OPCML: variants seen among roughly 807,000 people sequenced by gnomAD.
OPCML encodes the protein opioid binding protein/cell adhesion molecule like, also known as opioid-binding protein/cell adhesion molecule.
OPCML carries 13 observed loss-of-function variants against 37.8 expected under a neutral mutation model. The observed-to-expected ratio is 0.34, with a 90% CI of 0.22 to 0.55. The LOEUF is 0.55. Ranked by LOEUF, OPCML falls within the 20% of genes least tolerant of loss-of-function variation. OPCML has a pLI of 0.91. For synonymous variants in OPCML, 176 were observed against 168.8 expected (o/e 1.04, Z -0.33); for missense variants, 341 against 435.6 (o/e 0.78, Z 1.93).
intron 1 of OPCML, among the ~76,000 whole-genome samples, chr11:133,386,032 C>A (rs1945040704): frequency 6.6e-6 from 1 of 152,152 alleles, no homozygotes; most frequent in African/African-American, 2.4e-5. Context: ...TAAACCATCA[C>A]AAGAAAACTC....
At chr11:133,026,224 G>T in intron 1 of OPCML, 1 of 662,678 alleles carries the variant, frequency 1.5e-6, no homozygotes, top group South Asian at 6.8e-5. Flanking sequence ...CCAGGTTAGA[G>T]AAGTCAGTTA....
At chr11:133,519,269 G>A (rs1280138673) in intron 1 of OPCML, among the ~76,000 whole-genome samples, 1 of 152,104 alleles carries the variant, frequency 6.6e-6, no homozygotes, top group African/African-American at 2.4e-5. Flanking sequence ...ACCACCAAAT[G>A]TTCAATGCAA....
intron 3 of OPCML, among the ~76,000 whole-genome samples, chr11:132,543,833 C>T (rs1055791155): frequency 2.6e-5 from 4 of 152,114 alleles, no homozygotes; most frequent in Non-Finnish European, 5.9e-5. Context: ...GATTTCTAAG[C>T]ATGAAGAAGT....
rs1445366544 is a variant in OPCML at position 133,173,900 on chromosome 11, T to C, written c.62-230890A>G. 1.3e-5 allele frequency among the ~76,000 whole-genome samples: 2 copies of C among 152,166 alleles called. No individual in the cohort carries two copies. Among genetic ancestry groups the C allele is most frequent in the South Asian group, 2.1e-4 (1 of 4,826 alleles). On this transcript the variant is annotated intron_variant, in intron 1 of 7. Coordinates refer to ENST00000524381, the MANE Select transcript of OPCML (RefSeq NM_001012393.5). The surrounding 1 kb of genome is among the most constrained non-coding windows in gnomAD (Gnocchi z 7.8). ...GCACTCTGAGGGCTGGAATGAAGAT[T>C]GGACCGGGGCCGGCCGGCACTGGAG...
At chr11:133,084,802 ATTTT>A (rs35309579) in intron 1 of OPCML, among the ~76,000 whole-genome samples, 2 of 151,140 alleles carry the variant, frequency 1.3e-5, no homozygotes, top group Non-Finnish European at 3.0e-5. Flanking sequence ...AAACCTTGCC[ATTTT>A]TTTTTACTTA....
rs181416456 is a variant in OPCML at position 133,425,222 on chromosome 11, C to A, written c.61+107042G>T. Among the ~76,000 whole-genome samples, 5 of 152,298 alleles carry A rather than the reference C, an allele frequency of 3.3e-5. 1 individual carries two copies. The highest frequency in any genetic ancestry group is 2.0e-4 in the Admixed American group (3 of 15,300). ...CCAGTCAGACCTCCTCATAGAAACA[C>A]CTGCCTTAAACGAGACCCCTCCAAA... is the stretch of plus-strand genomic sequence containing the variant. On this transcript the variant is annotated intron_variant, in intron 1 of 7. Coordinates refer to ENST00000524381, the MANE Select transcript of OPCML (RefSeq NM_001012393.5).
At chr11:132,684,084 TA>T in intron 2 of OPCML, among the ~76,000 whole-genome samples, 2 of 152,140 alleles carry the variant, frequency 1.3e-5, no homozygotes, top group East Asian at 3.9e-4. Context: ...CTTTTGCAAA[TA>T]AAGATGAGCA....
chr11:133,075,026 C>G (rs1297319521), intron 1 of OPCML, among the ~76,000 whole-genome samples: 1 of 152,152 alleles, frequency 6.6e-6, no homozygotes, highest in African/African-American at 2.4e-5. Flanking sequence ...GGGCAGAGAG[C>G]AGAAAGAAGG....
rs115306346 is a variant in OPCML, at chr11:132,714,481, C to T, written c.147-57162G>A. ...ATCTTCTTCTACAGTAATTCAAGGACGGAGTGAGGAACCTGCAAGAAGCTG... is the reference window on the plus strand; with the variant it reads ...ATCTTCTTCTACAGTAATTCAAGGATGGAGTGAGGAACCTGCAAGAAGCTG... On this transcript the variant is annotated intron_variant, in intron 2 of 7. Coordinates refer to ENST00000524381, the MANE Select transcript of OPCML (RefSeq NM_001012393.5). Among the ~76,000 whole-genome samples the T allele has an allele frequency of 7.6e-3, 1,158 of 152,266 alleles. 14 individuals are homozygous for T. Among genetic ancestry groups the T allele is most frequent in the African/African-American group, 0.025 (1,021 of 41,546 alleles).
At chr11:132,796,174 A>G (rs1462011784) in intron 2 of OPCML, among the ~76,000 whole-genome samples, 1 of 152,202 alleles carries the variant, frequency 6.6e-6, no homozygotes, top group Admixed American at 6.5e-5. Flanking sequence ...TGGTATCTGC[A>G]TGAGGTTCCA....
At chr11:132,967,765 A>G (rs1267136867) in intron 1 of OPCML, among the ~76,000 whole-genome samples, 1 of 152,150 alleles carries the variant, frequency 6.6e-6, no homozygotes, top group Non-Finnish European at 1.5e-5. Flanking sequence ...ATTACTCTCT[A>G]GAGTCCCTTT....
chr11:132,506,744 C>A (rs77327525), intron 4 of OPCML, among the ~76,000 whole-genome samples: 3,674 of 151,820 alleles, frequency 0.024, 140 homozygotes, highest in African/African-American at 0.085. Context: ...ATATTTATTT[C>A]AAAAAACTAT....
chr11:132,934,319 G>A (rs1394834059), intron 2 of OPCML, among the ~76,000 whole-genome samples: 1 of 152,148 alleles, frequency 6.6e-6, no homozygotes, highest in Non-Finnish European at 1.5e-5. Flanking sequence ...GCGTGGATTA[G>A]CAATACAGGG....
intron 4 of OPCML, among the ~76,000 whole-genome samples, chr11:132,485,638 G>A (rs973479776): frequency 1.3e-5 from 2 of 152,110 alleles, no homozygotes; most frequent in African/African-American, 4.8e-5. Context: ...TACATTAATG[G>A]AATCATATAC....
At chr11:133,241,469 G>T (rs1227595669) in intron 1 of OPCML, among the ~76,000 whole-genome samples, 1 of 152,326 alleles carries the variant, frequency 6.6e-6, no homozygotes, top group East Asian at 1.9e-4. Flanking sequence ...CTTGGCATAT[G>T]CTTCCAGCAT....
rs542099773 is a variant in OPCML, at chr11:132,759,223, C to T, written c.147-101904G>A. Among the ~76,000 whole-genome samples, 18 of 152,116 alleles carry T rather than the reference C, an allele frequency of 1.2e-4. No individual in the cohort carries two copies. In the East Asian group the frequency reaches 1.7e-3, roughly 15 times the overall value. On this transcript the variant is annotated intron_variant, in intron 2 of 7. Coordinates refer to ENST00000524381, the MANE Select transcript of OPCML (RefSeq NM_001012393.5). ...TTGCCAGTATTTTATTGAGGATTTTCGCATCGATGTTCATCAGGGATATTG... is the reference window on the plus strand; with the variant it reads ...TTGCCAGTATTTTATTGAGGATTTTTGCATCGATGTTCATCAGGGATATTG...
chr11:133,287,648 G>T (rs1489082490), intron 1 of OPCML, among the ~76,000 whole-genome samples: 3 of 152,144 alleles, frequency 2.0e-5, no homozygotes, highest in African/African-American at 7.2e-5. Flanking sequence ...TGGGGCAGGG[G>T]CTCCCAGCAG....
chr11:133,421,464 A>G (rs1945885545), intron 1 of OPCML: 6 of 985,428 alleles, frequency 6.1e-6, no homozygotes, highest in Non-Finnish European at 7.2e-6. Flanking sequence ...GAAAAAACGG[A>G]AATTATCATT....
intron 1 of OPCML, among the ~76,000 whole-genome samples, chr11:133,281,235 C>A (rs1266935993): frequency 1.3e-5 from 2 of 152,124 alleles, no homozygotes; most frequent in East Asian, 3.9e-4. Flanking sequence ...GAAATATGAT[C>A]CCCAATGTTG....
Sources: gnomAD v4.1 joint callset for allele counts (sites outside exome capture counted in the v4.1 genomes callset) on GRCh38, gnomAD v4.1.1 for gene constraint, Gnocchi (gnomAD v3.1) non-coding constraint, MANE v1.5 for transcripts, NCBI Gene and HGNC (gene_info 2026-07-23, HGNC 2026-07-21) for gene names.